Variants in XPO7 observed in about 807,000 individuals in gnomAD.
XPO7 encodes the protein exportin-7.
Under a neutral mutation model 144.3 loss-of-function variants are expected in XPO7, and 21 were observed. The observed-to-expected ratio is 0.15, with a 90% CI of 0.10 to 0.21. The LOEUF (loss-of-function observed/expected upper bound fraction) is 0.21, where lower values mean the gene tolerates loss of function less well. XPO7 is among the 10% of genes least tolerant of loss of function. XPO7 has a pLI of 1.00. For synonymous variants in XPO7, 580 were observed against 499.6 expected (o/e 1.16, Z -2.15); for missense variants, 808 against 1,325.8 (o/e 0.61, Z 6.06).
chr8:21,997,932 A>G (rs1215225949), intron 21 of XPO7, among the ~76,000 whole-genome samples: 1 of 152,178 alleles, frequency 6.6e-6, no homozygotes. Flanking sequence ...GGAGCAGACA[A>G]AAGAGTCAGG....
intron 1 of XPO7, among the ~76,000 whole-genome samples, chr8:21,932,357 C>T (rs888372250): frequency 2.0e-5 from 3 of 152,108 alleles, no homozygotes; most frequent in Non-Finnish European, 4.4e-5. Flanking sequence ...GGGGCGTGTA[C>T]GTCAAAACTT....
chr8:21,932,241 A>G (rs899840073), intron 1 of XPO7, among the ~76,000 whole-genome samples: 5 of 152,216 alleles, frequency 3.3e-5, no homozygotes, highest in East Asian at 1.9e-4. Context: ...AGCATTTTCT[A>G]TAGATCATAC....
At chr8:21,955,628 C>G (rs533056152) in intron 1 of XPO7, among the ~76,000 whole-genome samples, 1 of 151,986 alleles carries the variant, frequency 6.6e-6, no homozygotes, top group African/African-American at 2.4e-5. Context: ...GGGCCCTTTG[C>G]CGTCCTTCCA....
intron 24 of XPO7, among the ~76,000 whole-genome samples, chr8:22,000,389 A>C (rs1813098974): frequency 6.6e-6 from 1 of 151,674 alleles, no homozygotes; most frequent in African/African-American, 2.4e-5. Flanking sequence ...TAGCTCCATA[A>C]GTTTTTTCAT....
chr8:22,000,294 T>C (rs1310555803), intron 24 of XPO7, among the ~76,000 whole-genome samples: 1 of 151,990 alleles, frequency 6.6e-6, no homozygotes. Flanking sequence ...CTGGAGATCA[T>C]GAAGGGGGCC....
intron 10 of XPO7, among the ~76,000 whole-genome samples, chr8:21,982,128 C>A (rs942621146): frequency 6.6e-6 from 1 of 152,048 alleles, no homozygotes; most frequent in African/African-American, 2.4e-5. Flanking sequence ...CTCATAGTCA[C>A]CCCAAAAAAG....
intron 15 of XPO7, 78 bp from the exon 16 acceptor site, chr8:21,988,925 T>A: frequency 7.3e-7 from 1 of 1,369,588 alleles, no homozygotes; most frequent in Non-Finnish European, 1.0e-6. Flanking sequence ...GATGAATGAC[T>A]TTCTTCTTCT....
chr8:21,928,815 T>A (rs540975418), intron 1 of XPO7, among the ~76,000 whole-genome samples: 1 of 152,378 alleles, frequency 6.6e-6, no homozygotes, highest in African/African-American at 2.4e-5. Flanking sequence ...GAAATTCTGA[T>A]TTCACTGTTC....
At chr8:21,991,609 CAT>C (rs772198385) in intron 18 of XPO7, 37 of 334,150 alleles carry the variant, frequency 1.1e-4, no homozygotes, top group East Asian at 2.3e-4. Flanking sequence ...ACCTTACACA[CAT>C]ATGAATCTCT....
At chr8:21,983,591 C>T (rs951472770) in intron 11 of XPO7, among the ~76,000 whole-genome samples, 1 of 152,226 alleles carries the variant, frequency 6.6e-6, no homozygotes, top group African/African-American at 2.4e-5. Flanking sequence ...AAGCCTTCTT[C>T]TGTCACCTCC....
chr8:22,004,179 A>G, intron 27 of XPO7, 149 bp downstream of exon 27: 5 of 933,544 alleles, frequency 5.4e-6, no homozygotes, highest in Non-Finnish European at 7.8e-6. Context: ...CATGTTAAAC[A>G]GGCAAAATTC....
chr8:21,992,225 C>T (rs1237070528), intron 19 of XPO7, among the ~76,000 whole-genome samples: 2 of 151,962 alleles, frequency 1.3e-5, no homozygotes, highest in East Asian at 3.8e-4. Context: ...AAGTTGTTTA[C>T]AGTTTTCTTA....
intron 5 of XPO7, among the ~76,000 whole-genome samples, chr8:21,973,693 G>A (rs2117338767): frequency 6.6e-6 from 1 of 152,302 alleles, no homozygotes; most frequent in South Asian, 2.1e-4. Context: ...AAACAGAAGA[G>A]ATTTAAGCTT....
At chr8:21,980,770 G>A (rs541000128) in intron 9 of XPO7, among the ~76,000 whole-genome samples, 17 of 144,948 alleles carry the variant, frequency 1.2e-4, no homozygotes, top group East Asian at 2.0e-4. Context: ...GTAAGACTCC[G>A]TCTCAAAAAA....
chr8:21,981,881 T>G lies in XPO7; in HGVS notation c.1104+4T>G. The G allele has an allele frequency of 1.2e-6, 2 of 1,611,898 alleles. No homozygotes were observed. Among genetic ancestry groups the G allele is most frequent in the Non-Finnish European group, 1.7e-6 (2 of 1,178,112 alleles). On this transcript the variant is annotated splice_donor_region_variant and intron_variant, in intron 10 of 27. Coordinates refer to ENST00000252512, the MANE Select transcript of XPO7 (RefSeq NM_015024.5). ...CTTCACAGTGACCAGCCTACAGGTT[T>G]GTCTTTGATTACTTGTGTCTTCCTT...
chr8:21,941,564 T>C (rs921965177), intron 1 of XPO7, among the ~76,000 whole-genome samples: 1 of 152,226 alleles, frequency 6.6e-6, no homozygotes, highest in Non-Finnish European at 1.5e-5. Flanking sequence ...AAAAACAGTG[T>C]ATACATGTTC....
chr8:21,989,151 C>T (rs1812676686), intron 16 of XPO7, 68 bp downstream of exon 16: 2 of 1,408,134 alleles, frequency 1.4e-6, no homozygotes, highest in Non-Finnish European at 2.0e-6. Flanking sequence ...GAATCATGGC[C>T]TCCTGCTCTT....
At chr8:21,991,762 C>T (rs1812780675) in intron 18 of XPO7, 106 bp from the exon 19 acceptor site, 1 of 712,366 alleles carries the variant, frequency 1.4e-6, no homozygotes, top group East Asian at 3.1e-5. Context: ...TAAAGGGACC[C>T]CCTTGAGTTC....
chr8:21,995,333 A>C (rs970302485), intron 20 of XPO7, among the ~76,000 whole-genome samples, 159 bp from the exon 21 acceptor site: 5 of 152,366 alleles, frequency 3.3e-5, no homozygotes, highest in Admixed American at 1.3e-4. Flanking sequence ...AAATCACTTT[A>C]GTATCTTCTG....
Sources: gnomAD v4.1 joint callset for allele counts (sites outside exome capture counted in the v4.1 genomes callset) on GRCh38, gnomAD v4.1.1 for gene constraint, MANE v1.5 for transcripts, NCBI Gene and HGNC (gene_info 2026-07-23, HGNC 2026-07-21) for gene names.